The following CELF2 variants were observed in gnomAD, a reference collection of about 807,000 sequenced individuals.
The protein encoded by CELF2 is CUG triplet repeat RNA-binding protein 2.
CELF2 carries 8 observed loss-of-function variants against 62.6 expected under a neutral mutation model. That is an observed-to-expected ratio of 0.13 (90% CI 0.07 to 0.23). The LOEUF (loss-of-function observed/expected upper bound fraction) is 0.23. CELF2 is among the 10% of genes least tolerant of loss of function. The probability of loss-of-function intolerance (pLI) is 1.00; values close to 1 mark genes in which losing one functional copy is unlikely to be tolerated. For synonymous variants in CELF2, 258 were observed against 250.0 expected (o/e 1.03, Z -0.30); for missense variants, 333 against 671.0 (o/e 0.50, Z 5.56).
Position 11,046,800 on chromosome 10 carries a change from C to T in CELF2, c.74+28637C>T, listed in dbSNP as rs1018462950. On this transcript the variant is annotated intron_variant, in intron 1 of 12. Coordinates refer to ENST00000633077, the MANE Select transcript of CELF2 (RefSeq NM_001326342.2). This position sits in a 1 kb window ranked among gnomAD's most constrained non-coding sequence, Gnocchi z 4.6. Reference sequence around the variant, plus strand: ...ACCCTATTAACATAAAGCTTAAGCCCTTGGCTTGTTGCTTTATTTTCTAAA... The same window carrying T: ...ACCCTATTAACATAAAGCTTAAGCCTTTGGCTTGTTGCTTTATTTTCTAAA... Among the ~76,000 whole-genome samples the T allele has an allele frequency of 1.3e-5, 2 of 152,260 alleles. No individual in the cohort carries two copies. Among genetic ancestry groups the T allele is most frequent in the East Asian group, 3.9e-4 (2 of 5,190 alleles).
At chr10:10,782,415 C>T in the CELF2 span, among the ~76,000 whole-genome samples, 8 of 152,228 alleles carry the variant, frequency 5.3e-5, no homozygotes, top group African/African-American at 1.9e-4. Flanking sequence ...CCTCCTTCCT[C>T]TGCCTTTCTG....
the CELF2 span, among the ~76,000 whole-genome samples, chr10:10,527,619 C>G: frequency 1.3e-5 from 2 of 152,126 alleles, no homozygotes; most frequent in African/African-American, 4.8e-5. Flanking sequence ...AGGTCTTTAC[C>G]TTATTATAAT....
intron 1 of CELF2, among the ~76,000 whole-genome samples, chr10:11,124,064 G>A (rs1750732): frequency 0.52 from 78,935 of 151,950 alleles, 21,261 homozygotes; most frequent in East Asian, 0.7. Context: ...GGGAATTCCC[G>A]TGTATAAAAC....
At chr10:10,566,406 T>C in the CELF2 span, among the ~76,000 whole-genome samples, 2 of 131,700 alleles carry the variant, frequency 1.5e-5, no homozygotes, top group South Asian at 5.2e-4. Flanking sequence ...TTAGGGATTT[T>C]TTTTTTTTTT....
chr10:11,127,738 G>T (rs191146179), intron 1 of CELF2, among the ~76,000 whole-genome samples: 107 of 151,652 alleles, frequency 7.1e-4, no homozygotes, highest in African/African-American at 2.0e-3. Context: ...TTTTGGTGGG[G>T]TTTTTTCTTG....
At chr10:11,197,039 A>G (rs1374739765) in intron 2 of CELF2, among the ~76,000 whole-genome samples, 3,797 of 40,284 alleles carry the variant, frequency 0.094, 1,097 homozygotes, top group African/African-American at 0.27. Flanking sequence ...GAAAGAAAGA[A>G]AGAAAGAAAG....
rs2049047449 is a variant in CELF2 at position 10,957,650 on chromosome 10, A to T, written c.89+37651A>T. Among the ~76,000 whole-genome samples the T allele has an allele frequency of 6.6e-6, 1 of 152,168 alleles. No homozygotes were observed. Among genetic ancestry groups the T allele is most frequent in the South Asian group, 2.1e-4 (1 of 4,822 alleles). ...GTTCAGGATCACTTCTGTGCTCCCG[A>T]TGTAGTAAAATGACTCATAATTGGC... On this transcript the variant is annotated intron_variant, in intron 2 of 13. Coordinates refer to the CELF2 transcript ENST00000636488. The surrounding 1 kb of genome is among the most constrained non-coding windows in gnomAD (Gnocchi z 4.1).
rs554961522 is a variant in CELF2, at chr10:11,216,844, T to C, written c.272-581T>C. Among the ~76,000 whole-genome samples, 5 of 152,360 alleles carry C rather than the reference T, an allele frequency of 3.3e-5. No homozygotes were observed. In the South Asian group the frequency reaches 1.0e-3, roughly 32 times the overall value. The stretch of plus-strand genomic sequence containing the variant: ...TACCCATCTGTATTGTAGCTTAATT[T>C]CTAAGCCAGTTAAAATACAGTCTTC... On this transcript the variant is annotated intron_variant, in intron 2 of 12. Transcript: ENST00000633077.
intron 3 of CELF2, among the ~76,000 whole-genome samples, chr10:11,240,875 G>A (rs2073609939): frequency 6.6e-6 from 1 of 152,206 alleles, no homozygotes; most frequent in Non-Finnish European, 1.5e-5. Context: ...CCACAACTGT[G>A]TGGATGCACA....
chr10:10,483,999 C>G, the CELF2 span, among the ~76,000 whole-genome samples: 1 of 75,630 alleles, frequency 1.3e-5, no homozygotes, highest in Non-Finnish European at 2.8e-5. Flanking sequence ...CTCCCTCCCC[C>G]GCTTTCTCCC....
At chr10:11,235,002 T>A (rs960143981) in intron 3 of CELF2, among the ~76,000 whole-genome samples, 15 of 152,188 alleles carry the variant, frequency 9.9e-5, no homozygotes, top group African/African-American at 3.6e-4. Flanking sequence ...CAATCCCTGC[T>A]TCAAACATGA....
At chr10:11,015,987 T>A (rs757199536), upstream of CELF2, among the ~76,000 whole-genome samples, 16 of 152,220 alleles carry the variant, frequency 1.1e-4, no homozygotes, top group Non-Finnish European at 2.1e-4. The surrounding 1 kb of genome is among the most constrained non-coding windows in gnomAD (Gnocchi z 4.8). Context: ...GATTAGAAAA[T>A]ATTTTTCATT....
the CELF2 span, among the ~76,000 whole-genome samples, chr10:10,773,253 C>A: frequency 3.3e-5 from 5 of 152,238 alleles, no homozygotes; most frequent in Admixed American, 6.5e-5. Context: ...GTTATATGTG[C>A]CCGAGCATGA....
intron 3 of CELF2, among the ~76,000 whole-genome samples, chr10:11,235,389 G>A (rs776397372): frequency 2.0e-5 from 3 of 152,016 alleles, no homozygotes; most frequent in East Asian, 1.9e-4. Context: ...AGTTACGTGC[G>A]GTATATCTGA....
rs73583243 is a variant in CELF2 at position 11,308,515 on chromosome 10, A to G, written c.977-5624A>G. Reference sequence around the variant, plus strand: ...TTCAAGTTCACTCATTCTTCTGCCAACTCAAACCAACTGTGGAGCCCTATG... The same window carrying G: ...TTCAAGTTCACTCATTCTTCTGCCAGCTCAAACCAACTGTGGAGCCCTATG... On this transcript the variant is annotated intron_variant, in intron 9 of 12. Coordinates refer to ENST00000633077, the MANE Select transcript of CELF2 (RefSeq NM_001326342.2). Among the ~76,000 whole-genome samples, 583 of 152,290 alleles carry G rather than the reference A, an allele frequency of 3.8e-3. 5 individuals are homozygous for G. The highest frequency in any genetic ancestry group is 0.013 in the African/African-American group (556 of 41,564).
the CELF2 span, among the ~76,000 whole-genome samples, chr10:10,507,069 T>C: frequency 6.6e-6 from 1 of 152,104 alleles, no homozygotes; most frequent in Non-Finnish European, 1.5e-5. Context: ...TCTCAGTTCA[T>C]AGGAAAGGCC....
At chr10:10,939,763 G>C (rs1401170307) in intron 2 of CELF2, among the ~76,000 whole-genome samples, 2 of 151,820 alleles carry the variant, frequency 1.3e-5, no homozygotes, top group African/African-American at 2.4e-5. Flanking sequence ...GACCATCCTG[G>C]CTAACACGGT....
At chr10:10,534,417 G>A in the CELF2 span, among the ~76,000 whole-genome samples, 2 of 152,162 alleles carry the variant, frequency 1.3e-5, no homozygotes, top group African/African-American at 2.4e-5. Context: ...GGCAGAGAGA[G>A]AAAGAAATTG....
At chr10:10,714,379 A>G in the CELF2 span, among the ~76,000 whole-genome samples, 3 of 152,228 alleles carry the variant, frequency 2.0e-5, no homozygotes, top group Non-Finnish European at 4.4e-5. Context: ...GACCTGGAAT[A>G]TAAAACAGGA....
Sources: allele counts gnomAD v4.1 joint callset (sites outside exome capture counted in the v4.1 genomes callset), GRCh38; gene constraint gnomAD v4.1.1; non-coding constraint Gnocchi (gnomAD v3.1); transcripts MANE v1.5; gene names NCBI Gene and HGNC (gene_info 2026-07-23, HGNC 2026-07-21).